COL10A1: variants seen among roughly 807,000 people sequenced by gnomAD.
The protein encoded by COL10A1 is collagen alpha-1(X) chain.
A neutral mutation model predicts 18.2 loss-of-function variants in COL10A1; 10 were observed. That is an observed-to-expected ratio of 0.55 (90% CI 0.34 to 0.93). COL10A1 has a LOEUF of 0.93. Ranked by LOEUF, COL10A1 falls within the 40% of genes least tolerant of loss-of-function variation. The pLI, the probability that COL10A1 is intolerant of heterozygous loss-of-function variation, is 0.02. For synonymous variants in COL10A1, 330 were observed against 316.6 expected, an observed-to-expected ratio of 1.04 and a Z score of -0.45; for missense variants, 897 against 853.5, an observed-to-expected ratio of 1.05 and a Z score of -0.64.
the COL10A1 span, among the ~76,000 whole-genome samples, chr6:116,169,982 T>C: frequency 6.6e-6 from 1 of 152,122 alleles, no homozygotes; most frequent in South Asian, 2.1e-4. Context: ...CAAAGAGAAT[T>C]AGTCACCTGT....
chr6:116,164,438 A>G, the COL10A1 span, among the ~76,000 whole-genome samples: 1 of 152,120 alleles, frequency 6.6e-6, no homozygotes, highest in Admixed American at 6.5e-5. Flanking sequence ...TTTGCATGAT[A>G]TATCTTTCTC....
intron 1 of COL10A1, among the ~76,000 whole-genome samples, chr6:116,153,548 A>C (rs559868780): frequency 6.6e-6 from 1 of 152,046 alleles, no homozygotes; most frequent in Non-Finnish European, 1.5e-5. Context: ...TGAGTCGAGG[A>C]TTGGTCATAA....
intron 1 of COL10A1, among the ~76,000 whole-genome samples, chr6:116,135,314 A>T (rs1407688494): frequency 2.0e-5 from 3 of 152,144 alleles, no homozygotes; most frequent in East Asian, 3.9e-4. Flanking sequence ...AATTGCATCA[A>T]TATCATTAAA....
chr6:116,173,012 G>A, the COL10A1 span, among the ~76,000 whole-genome samples: 1 of 152,094 alleles, frequency 6.6e-6, no homozygotes, highest in African/African-American at 2.4e-5. Flanking sequence ...TTTGATCAGA[G>A]GAATACAATT....
upstream of COL10A1, among the ~76,000 whole-genome samples, chr6:116,163,141 A>AAAAAATATATAT (rs761718922): frequency 4.6e-4 from 41 of 88,388 alleles, no homozygotes; most frequent in African/African-American, 2.1e-3. Flanking sequence ...AAAAAAAAAA[A>AAAAAATATATAT]ATATATATAT....
the COL10A1 span, among the ~76,000 whole-genome samples, chr6:116,212,262 T>C: frequency 6.6e-6 from 1 of 152,022 alleles, no homozygotes; most frequent in African/African-American, 2.4e-5. Flanking sequence ...TGAAAGCATA[T>C]AGAAGATATG....
At chr6:116,209,351 C>A in the COL10A1 span, among the ~76,000 whole-genome samples, 1 of 151,960 alleles carries the variant, frequency 6.6e-6, no homozygotes, top group South Asian at 2.1e-4. Context: ...GTAAGTCTTG[C>A]CTGGTAGCTT....
chr6:116,162,879 G>C (rs1490537880), upstream of COL10A1, among the ~76,000 whole-genome samples: 2 of 152,016 alleles, frequency 1.3e-5, no homozygotes, highest in Non-Finnish European at 2.9e-5. Context: ...TGTAATCCCA[G>C]CACTTTGGGA....
chr6:116,154,165 G>C (rs542054774), intron 1 of COL10A1, among the ~76,000 whole-genome samples: 3 of 151,740 alleles, frequency 2.0e-5, no homozygotes, highest in African/African-American at 7.2e-5. Context: ...AGCAATAAGA[G>C]TCTATTGATT....
At chr6:116,171,358 A>G in the COL10A1 span, among the ~76,000 whole-genome samples, 3 of 152,130 alleles carry the variant, frequency 2.0e-5, no homozygotes, top group African/African-American at 7.2e-5. Context: ...ACCAGGAATT[A>G]TAAATAGACA....
chr6:116,204,866 A>G, the COL10A1 span, among the ~76,000 whole-genome samples: 1 of 152,048 alleles, frequency 6.6e-6, no homozygotes, highest in African/African-American at 2.4e-5. Context: ...TTATAATTAC[A>G]TGGCTAGATT....
At chr6:116,190,966 G>T in the COL10A1 span, among the ~76,000 whole-genome samples, 1 of 151,944 alleles carries the variant, frequency 6.6e-6, no homozygotes, top group African/African-American at 2.4e-5. Context: ...AAAGACTTGA[G>T]AAATTAACTC....
the COL10A1 span, among the ~76,000 whole-genome samples, chr6:116,178,600 T>G: frequency 1.3e-5 from 2 of 152,238 alleles, no homozygotes; most frequent in Non-Finnish European, 2.9e-5. Context: ...GTTCCCACCT[T>G]TTACTCTGAA....
chr6:116,164,341 C>G, the COL10A1 span, among the ~76,000 whole-genome samples: 7 of 151,852 alleles, frequency 4.6e-5, no homozygotes, highest in Admixed American at 1.3e-4. Flanking sequence ...TGTATCATAC[C>G]CTTCTTTGTC....
chr6:116,204,641 G>T, the COL10A1 span, among the ~76,000 whole-genome samples: 1 of 151,942 alleles, frequency 6.6e-6, no homozygotes, highest in African/African-American at 2.4e-5. Context: ...GTACTCATAT[G>T]TATACATGGA....
chr6:116,202,691 G>A, the COL10A1 span, among the ~76,000 whole-genome samples: 29 of 152,066 alleles, frequency 1.9e-4, no homozygotes, highest in Admixed American at 5.2e-4. Context: ...TGAGATTATA[G>A]TCTAGGAAAG....
the COL10A1 span, among the ~76,000 whole-genome samples, chr6:116,187,905 G>C: frequency 6.6e-6 from 1 of 151,958 alleles, no homozygotes; most frequent in South Asian, 2.1e-4. Flanking sequence ...AAATTACTAA[G>C]AACGAAAGGG....
the COL10A1 span, among the ~76,000 whole-genome samples, chr6:116,181,955 T>G: frequency 3.3e-5 from 5 of 152,066 alleles, no homozygotes; most frequent in Non-Finnish European, 7.4e-5. Flanking sequence ...TTTCTGAGAT[T>G]TTGGTGCACC....
Position 116,119,799 on chromosome 6 carries a change from T to G in COL10A1, c.*274A>C. ...TGTTTTTTGTTGTTTGTTTTTAACA[T>G]AGCAGGACTTCTTTGGTGATATTTT... On this transcript the variant is annotated 3_prime_UTR_variant, in exon 3 of 3. Coordinates refer to ENST00000651968, the MANE Select transcript of COL10A1 (RefSeq NM_000493.4). The G allele has an allele frequency of 2.9e-6, 1 of 350,046 alleles. No homozygotes were observed. 21.7% of individuals were successfully genotyped at this position (350,046 alleles called of 1,614,324 possible).
Sources: gnomAD v4.1 joint callset for allele counts (sites outside exome capture counted in the v4.1 genomes callset) on GRCh38, gnomAD v4.1.1 for gene constraint, MANE v1.5 for transcripts, NCBI Gene and HGNC (gene_info 2026-07-23, HGNC 2026-07-21) for gene names.